GLDC: variants seen among roughly 807,000 people sequenced by gnomAD.
GLDC encodes glycine dehydrogenase (decarboxylating), mitochondrial.
Under a neutral mutation model 121.3 loss-of-function variants are expected in GLDC, and 104 were observed. The ratio of observed to expected loss-of-function variants is 0.86; its 90% CI spans 0.73 to 1.01. GLDC has a LOEUF of 1.01. Among genes scored for constraint, GLDC ranks in the 50% least tolerant of loss-of-function variants. The pLI is 0.00. For missense variants in GLDC, 1,429 were observed against 1,306.6 expected (o/e 1.09, Z -1.44); for synonymous variants, 546 against 480.6 (o/e 1.14, Z -1.78).
chr9:6,581,518 T>A (rs1278741893), intron 15 of GLDC, among the ~76,000 whole-genome samples: 1 of 152,222 alleles, frequency 6.6e-6, no homozygotes, highest in Non-Finnish European at 1.5e-5. Flanking sequence ...GACAGACAGT[T>A]ACCAGCATTC....
At chr9:6,632,650 C>T (rs1397978138) in intron 2 of GLDC, among the ~76,000 whole-genome samples, 1 of 152,230 alleles carries the variant, frequency 6.6e-6, no homozygotes, top group Non-Finnish European at 1.5e-5. Context: ...CCCACAGCGA[C>T]TCACGTCCCT....
chr9:6,558,385 G>C (rs183944008), intron 17 of GLDC, 174 bp downstream of exon 17: 27 of 756,392 alleles, frequency 3.6e-5, no homozygotes, highest in African/African-American at 8.6e-5. Flanking sequence ...ATTAGAAAAC[G>C]GGGATTTCTC....
At chr9:6,633,365 G>T (rs375540813) in intron 2 of GLDC, among the ~76,000 whole-genome samples, 2 of 151,934 alleles carry the variant, frequency 1.3e-5, no homozygotes, top group African/African-American at 4.8e-5. Flanking sequence ...TGAATTTGTC[G>T]GAAAACTCAC....
intron 15 of GLDC, among the ~76,000 whole-genome samples, chr9:6,579,270 A>C (rs1417349828): frequency 6.6e-6 from 1 of 152,060 alleles, no homozygotes; most frequent in Non-Finnish European, 1.5e-5. Flanking sequence ...TTTTATCTTT[A>C]ATCATTTCAT....
intron 15 of GLDC, among the ~76,000 whole-genome samples, chr9:6,576,861 A>C (rs116690999): frequency 0.014 from 2,162 of 152,342 alleles, 35 homozygotes; most frequent in African/African-American, 0.049. Context: ...TTGACTGTCT[A>C]TTCCTGAATT....
At chr9:6,565,450 G>C (rs1380424709) in intron 15 of GLDC, 21 bp from the exon 16 acceptor site, 15 of 1,585,826 alleles carry the variant, frequency 9.5e-6, no homozygotes, top group Non-Finnish European at 1.3e-5. Context: ...CAAGAAGAAA[G>C]GGATCACGGT....
intron 2 of GLDC, chr9:6,639,531 G>A (rs552940327): frequency 1.3e-6 from 1 of 796,220 alleles, no homozygotes; most frequent in Non-Finnish European, 2.2e-6. Context: ...GATTCGGCCT[G>A]ATGGAGAGAA....
intron 15 of GLDC, among the ~76,000 whole-genome samples, 199 bp downstream of exon 15, chr9:6,586,942 A>T (rs1587946029): frequency 6.6e-6 from 1 of 151,828 alleles, no homozygotes; most frequent in South Asian, 2.1e-4. Flanking sequence ...CCTCAAATGC[A>T]CTCCCAGCCC....
intron 16 of GLDC, among the ~76,000 whole-genome samples, chr9:6,561,675 G>C (rs1311703005): frequency 1.3e-5 from 2 of 151,966 alleles, no homozygotes; most frequent in Non-Finnish European, 2.9e-5. Context: ...ATTGTTGTGA[G>C]GGATATGGAA....
chr9:6,587,312 T>C (rs909377758), intron 14 of GLDC, 29 bp from the exon 15 acceptor site: 1 of 1,517,872 alleles, frequency 6.6e-7, no homozygotes, highest in East Asian at 2.3e-5. Flanking sequence ...AAAATGCATA[T>C]ATACATATTA....
At chr9:6,547,015 A>G (rs537326207) in intron 21 of GLDC, among the ~76,000 whole-genome samples, 3 of 152,198 alleles carry the variant, frequency 2.0e-5, no homozygotes, top group Admixed American at 1.3e-4. Flanking sequence ...TAGTGAATAC[A>G]TAAACCAGCA....
chr9:6,605,341 T>C, intron 5 of GLDC, 63 bp from the exon 6 acceptor site: 3 of 1,551,272 alleles, frequency 1.9e-6, no homozygotes, highest in South Asian at 1.1e-5. Flanking sequence ...TTAATTAACG[T>C]TTCTTTTCCA....
chr9:6,569,444 G>C (rs1817911520), intron 15 of GLDC: 2 of 151,786 alleles, frequency 1.3e-5, no homozygotes, highest in South Asian at 4.2e-4. Flanking sequence ...ACAAGGTCAG[G>C]AGTTCGAGAC....
intron 2 of GLDC, among the ~76,000 whole-genome samples, chr9:6,633,893 G>T (rs138601777): frequency 7.8e-6 from 1 of 127,922 alleles, no homozygotes; most frequent in Non-Finnish European, 1.5e-5. Flanking sequence ...CCAGTGGCAC[G>T]ATCTCAGCTC....
intron 15 of GLDC, among the ~76,000 whole-genome samples, chr9:6,578,415 C>T (rs2129802450): frequency 6.6e-6 from 1 of 152,168 alleles, no homozygotes; most frequent in East Asian, 1.9e-4. Context: ...TGGCACCCAG[C>T]TCTTTCTTCT....
intron 2 of GLDC, among the ~76,000 whole-genome samples, chr9:6,622,266 C>A (rs1446936149): frequency 1.3e-5 from 2 of 151,930 alleles, no homozygotes; most frequent in East Asian, 3.9e-4. Flanking sequence ...CCTCTCCCCA[C>A]GGTCTCCCTC....
At chr9:6,535,707 A>G (rs1415500845) in intron 23 of GLDC, among the ~76,000 whole-genome samples, 1 of 152,222 alleles carries the variant, frequency 6.6e-6, no homozygotes, top group Non-Finnish European at 1.5e-5. Context: ...CAGTTTTCTC[A>G]GAGATAACTG....
chr9:6,642,901 C>T (rs1171078735), intron 2 of GLDC, among the ~76,000 whole-genome samples: 1 of 143,042 alleles, frequency 7.0e-6, no homozygotes, highest in African/African-American at 2.7e-5. Flanking sequence ...TCTTTTCTTC[C>T]TTTCTCTTTT....
At chr9:6,626,756 TGCGAGAGA>T (rs992429947) in intron 2 of GLDC, among the ~76,000 whole-genome samples, 3 of 152,158 alleles carry the variant, frequency 2.0e-5, no homozygotes, top group African/African-American at 7.2e-5. Context: ...TCAAGCCCCT[TGCGAGAGA>T]GCCCTGACTA....
Sources: gnomAD v4.1 joint callset for allele counts (sites outside exome capture counted in the v4.1 genomes callset) on GRCh38, gnomAD v4.1.1 for gene constraint, MANE v1.5 for transcripts, NCBI Gene and HGNC (gene_info 2026-07-23, HGNC 2026-07-21) for gene names.